The following AKT3 variants were observed in gnomAD, a reference collection of about 807,000 sequenced individuals.
The protein encoded by AKT3 is RAC-gamma serine/threonine-protein kinase.
Under a neutral mutation model 65.3 loss-of-function variants are expected in AKT3, and 15 were observed. The ratio of observed to expected loss-of-function variants is 0.23; its 90% CI spans 0.15 to 0.35. AKT3 has a LOEUF of 0.35. Among genes scored for constraint, AKT3 ranks in the 10% least tolerant of loss-of-function variants. The pLI, the probability that AKT3 is intolerant of heterozygous loss-of-function variation, is 1.00. For missense variants in AKT3, 243 were observed against 576.5 expected (o/e 0.42, Z 5.92); for synonymous variants, 206 against 183.8 (o/e 1.12, Z -0.98).
rs1553399917 is a variant in AKT3, at chr1:243,544,245, G to GGA, written c.1251+1264_1251+1265insTC. On this transcript the variant is annotated intron_variant, in intron 12 of 13. Transcript: ENST00000673466. Reference sequence around the variant, plus strand: ...ACTAACAATATCTGAGGTAGTGGGGGAAAAAAAAAAAAAAAAAAAGCAGGG... The same window carrying GGA: ...ACTAACAATATCTGAGGTAGTGGGGGGAAAAAAAAAAAAAAAAAAAAGCAGGG... Among the ~76,000 whole-genome samples the GGA allele has an allele frequency of 2.7e-3, 196 of 73,232 alleles. 1 individual carries two copies. Among genetic ancestry groups the GGA allele is most frequent in the African/African-American group, 4.5e-3 (88 of 19,422 alleles). The allele number at this position is 73,232 out of a possible 152,430, so 48.0% of individuals were successfully genotyped here. A position where few individuals can be genotyped will look rare whatever the true frequency, so the allele number is the denominator to read the frequency against.
chr1:243,615,820 C>T (rs1444660060), intron 6 of AKT3, among the ~76,000 whole-genome samples: 1 of 152,044 alleles, frequency 6.6e-6, no homozygotes, highest in Non-Finnish European at 1.5e-5. Flanking sequence ...TAACCTTGAA[C>T]TCCTGGACTC....
intron 12 of AKT3, among the ~76,000 whole-genome samples, chr1:243,531,053 C>G (rs570312309): frequency 6.6e-6 from 1 of 152,302 alleles, no homozygotes; most frequent in East Asian, 1.9e-4. Flanking sequence ...TCTTCCTACT[C>G]ATTGATGTTC....
intron 3 of AKT3, among the ~76,000 whole-genome samples, chr1:243,684,358 C>T (rs1182828002): frequency 1.3e-5 from 2 of 151,966 alleles, no homozygotes; most frequent in Non-Finnish European, 2.9e-5. Context: ...CTCCCTGTGT[C>T]CCTGTGTTCT....
chr1:243,784,234 C>G (rs1179855377), intron 2 of AKT3, among the ~76,000 whole-genome samples: 1 of 151,848 alleles, frequency 6.6e-6, no homozygotes, highest in African/African-American at 2.4e-5. Context: ...AAGAGGAGAC[C>G]AGGCAAGTGC....
chr1:243,535,759 G>A (rs1169968231), intron 12 of AKT3, among the ~76,000 whole-genome samples: 1 of 151,880 alleles, frequency 6.6e-6, no homozygotes, highest in Non-Finnish European at 1.5e-5. Flanking sequence ...TTCCTGGATC[G>A]AATGGTACAT....
At chr1:243,838,748 T>A (rs965433783) in intron 2 of AKT3, among the ~76,000 whole-genome samples, 2 of 152,148 alleles carry the variant, frequency 1.3e-5, no homozygotes, top group Non-Finnish European at 2.9e-5. Flanking sequence ...ACCGACACTG[T>A]AGTTCATCTA....
intron 12 of AKT3, among the ~76,000 whole-genome samples, chr1:243,525,597 T>A (rs1037760027): frequency 3.4e-5 from 5 of 148,132 alleles, no homozygotes; most frequent in African/African-American, 1.3e-4. Flanking sequence ...TAAAAAAAAA[T>A]AAAATATCTG....
rs1680777190 is a variant in AKT3, at chr1:243,645,944, A to G, written c.378T>C (p.Asp126=). 1 of 1,612,622 alleles carries G rather than the reference A, an allele frequency of 6.2e-7. No homozygotes were observed. Among genetic ancestry groups the G allele is most frequent in the Non-Finnish European group, 8.5e-7 (1 of 1,178,896 alleles). ...RMNCSPTSQI[D]NIGEEEMDAS... ...CATCCATCTCTTCCTCTCCTATATT[A>G]TCAATTTGTGAAGTTGGACTACAAT... The change falls in exon 5 of 14, where the codon GAT becomes GAC. Residue 126 remains aspartate, a synonymous_variant. Transcript: ENST00000673466.
At chr1:243,687,615 T>G (rs1487257777) in intron 3 of AKT3, 1 of 145,872 alleles carries the variant, frequency 6.9e-6, no homozygotes, top group Non-Finnish European at 1.5e-5. Flanking sequence ...ACTTTTTCTG[T>G]TTTTTTTTTC....
chr1:243,777,352 T>C (rs1462419364), intron 2 of AKT3, among the ~76,000 whole-genome samples: 2 of 152,176 alleles, frequency 1.3e-5, no homozygotes, highest in African/African-American at 4.8e-5. Context: ...CCTCCTGCCG[T>C]GTGGCCTGGC....
chr1:243,810,569 G>A (rs1194289692), intron 2 of AKT3, among the ~76,000 whole-genome samples: 2 of 152,120 alleles, frequency 1.3e-5, no homozygotes, highest in South Asian at 2.1e-4. Context: ...AGGACCAGAC[G>A]GATTCACAGC....
intron 12 of AKT3, among the ~76,000 whole-genome samples, chr1:243,515,956 G>A (rs1342091415): frequency 4.7e-5 from 7 of 149,292 alleles, no homozygotes; most frequent in African/African-American, 7.5e-5. Flanking sequence ...CAGCCTGGGC[G>A]ACGGAGCAAG....
At position 243,637,858 on chromosome 1, in the gene AKT3, AC is replaced by A. The variant is rs1680090121; in HGVS notation, c.430-117del. Reference sequence around the variant, plus strand: ...AACCAAATTTTACCAATTTATAAGCACATTTAAATGAAAAAGAATCAGACTG... The same window carrying A: ...AACCAAATTTTACCAATTTATAAGCAATTTAAATGAAAAAGAATCAGACTG... On this transcript the variant is annotated intron_variant, in intron 5 of 13. Coordinates refer to ENST00000673466, the MANE Select transcript of AKT3 (RefSeq NM_005465.7). The A allele has an allele frequency of 4.9e-6, 3 of 615,432 alleles. No individual in the cohort carries two copies. In the East Asian group the frequency reaches 9.5e-5, roughly 20 times the overall value. 38.1% of individuals were successfully genotyped at this position (615,432 alleles called of 1,614,324 possible).
At chr1:243,728,739 G>A (rs1407151365) in intron 2 of AKT3, among the ~76,000 whole-genome samples, 1 of 152,134 alleles carries the variant, frequency 6.6e-6, no homozygotes, top group African/African-American at 2.4e-5. Context: ...TTTAAAGTAC[G>A]TGTCATTAAA....
At chr1:243,758,209 T>C (rs1689260310) in intron 2 of AKT3, among the ~76,000 whole-genome samples, 1 of 152,192 alleles carries the variant, frequency 6.6e-6, no homozygotes, top group Non-Finnish European at 1.5e-5. Context: ...GGAGTTTATA[T>C]TTCCATGGGG....
downstream of AKT3, among the ~76,000 whole-genome samples, chr1:243,497,129 T>C (rs543412500): frequency 6.6e-6 from 1 of 152,246 alleles, no homozygotes; most frequent in South Asian, 2.1e-4. Context: ...TGACAGGACT[T>C]CCTGGAAATA....
chr1:243,523,015 G>A (rs1200612963), intron 12 of AKT3, among the ~76,000 whole-genome samples: 5 of 152,074 alleles, frequency 3.3e-5, no homozygotes, highest in Non-Finnish European at 7.4e-5. Context: ...AACTTGTGGT[G>A]AGAAGGAAAG....
At chr1:243,602,198 CA>C (rs1284978359) in intron 8 of AKT3, among the ~76,000 whole-genome samples, 20 of 152,288 alleles carry the variant, frequency 1.3e-4, no homozygotes, top group African/African-American at 4.8e-4. Context: ...TTTAACCATT[CA>C]TTTTTTAAAA....
rs187669013 is a variant in AKT3 at position 243,488,960 on chromosome 1, C to G, written c.*7-510G>C. On this transcript the variant is annotated intron_variant, in intron 13 of 13. Transcript: ENST00000336199. ...CCTCAGATACACACAGCCCCTGGGC[C>G]TGTTGAAAGGCTGACGTTATCCCTC... 16 of 1,612,544 alleles carry G rather than the reference C, an allele frequency of 9.9e-6. No homozygotes were observed. In the Admixed American group the frequency reaches 2.2e-4, roughly 22 times the overall value.
Sources: allele counts gnomAD v4.1 joint callset (sites outside exome capture counted in the v4.1 genomes callset), GRCh38; gene constraint gnomAD v4.1.1; transcripts MANE v1.5; gene names NCBI Gene and HGNC (gene_info 2026-07-23, HGNC 2026-07-21).